Variants in TTLL11 observed in about 807,000 individuals in gnomAD.
TTLL11 encodes the protein tubulin tyrosine ligase like 11.
TTLL11 carries 42 observed loss-of-function variants against 51.7 expected under a neutral mutation model. The observed-to-expected ratio is 0.81, with a 90% CI of 0.64 to 1.05. The LOEUF (loss-of-function observed/expected upper bound fraction) is 1.05, where lower values mean the gene tolerates loss of function less well. TTLL11 is among the 50% of genes least tolerant of loss of function. TTLL11 has a pLI of 0.00. For missense variants in TTLL11, 799 were observed against 940.4 expected (o/e 0.85, Z 1.97); for synonymous variants, 381 against 383.5 (o/e 0.99, Z 0.08).
intron 1 of TTLL11, among the ~76,000 whole-genome samples, chr9:122,090,429 G>A (rs1364003962): frequency 5.9e-5 from 9 of 151,934 alleles, no homozygotes; most frequent in African/African-American, 1.7e-4. Context: ...GCTATGATCC[G>A]GCCATACTCA....
chr9:121,864,972 G>T (rs1476985443), intron 7 of TTLL11, among the ~76,000 whole-genome samples: 3 of 151,994 alleles, frequency 2.0e-5, no homozygotes, highest in East Asian at 3.8e-4. Flanking sequence ...TTCTGGAGAG[G>T]ATTCTATAAT....
At chr9:121,848,565 G>T (rs923829565) in intron 8 of TTLL11, among the ~76,000 whole-genome samples, 11 of 152,094 alleles carry the variant, frequency 7.2e-5, no homozygotes, top group Non-Finnish European at 1.3e-4. Context: ...AGGATACAAG[G>T]TTATTATAGG....
chr9:121,913,525 G>A (rs1840218865), intron 6 of TTLL11, among the ~76,000 whole-genome samples: 1 of 152,036 alleles, frequency 6.6e-6, no homozygotes, highest in Admixed American at 6.6e-5. Context: ...AAAGCTTCAG[G>A]GAATGCTGTT....
chr9:121,930,640 G>T (rs551917650), intron 6 of TTLL11, among the ~76,000 whole-genome samples: 1 of 152,292 alleles, frequency 6.6e-6, no homozygotes, highest in East Asian at 1.9e-4. Context: ...CAGCGTCCTG[G>T]GCCAAGGATG....
At chr9:121,900,560 C>T (rs1017558082) in intron 6 of TTLL11, among the ~76,000 whole-genome samples, 2 of 152,164 alleles carry the variant, frequency 1.3e-5, no homozygotes, top group Non-Finnish European at 2.9e-5. Context: ...TCAGCCTTAA[C>T]GTCTTTGAAT....
Position 122,093,139 on chromosome 9 carries a change from C to G in TTLL11, c.10G>C (p.Gly4Arg), listed in dbSNP as rs956583914. MRR[G>R]SSESELAARW... is the part of the protein sequence containing the mutation. ...GCCGCCAGCTCGCTCTCGGAGCTGC[C>G]CCGCCGCATGGTGCTCAGGGCCGGG... The change falls in exon 1 of 9, where the codon GGC becomes CGC. Residue 4 changes from glycine to arginine, a missense_variant. This residue lies in a region of TTLL11 where 166 missense variants were observed against 161.6 expected (regional missense o/e 1.03). Coordinates refer to ENST00000321582, the MANE Select transcript of TTLL11 (RefSeq NM_001139442.2). 15 of 1,493,120 alleles carry G rather than the reference C, an allele frequency of 1.0e-5. No homozygotes were observed. The highest frequency in any genetic ancestry group is 1.3e-5 in the Non-Finnish European group (15 of 1,128,426). 92.5% of individuals were successfully genotyped at this position (1,493,120 alleles called of 1,614,324 possible). A position where few individuals can be genotyped will look rare whatever the true frequency, so the allele number is the denominator to read the frequency against.
intron 3 of TTLL11, among the ~76,000 whole-genome samples, chr9:121,996,126 C>T (rs766415639): frequency 2.6e-5 from 4 of 152,168 alleles, no homozygotes; most frequent in Non-Finnish European, 5.9e-5. Context: ...CCCCTGCATG[C>T]ACTCCTCGAG....
chr9:122,012,055 C>A (rs539429766), intron 3 of TTLL11, among the ~76,000 whole-genome samples: 2 of 152,298 alleles, frequency 1.3e-5, no homozygotes, highest in Non-Finnish European at 2.9e-5. Context: ...CTTTGCCTTT[C>A]ATTAGAACCC....
intron 6 of TTLL11, among the ~76,000 whole-genome samples, chr9:121,956,673 A>G (rs373946128): frequency 6.6e-6 from 1 of 151,112 alleles, no homozygotes; most frequent in East Asian, 1.9e-4. Context: ...CCCGGGACAG[A>G]CACAAGGCCG....
At chr9:121,860,161 T>C (rs763344883) in intron 8 of TTLL11, among the ~76,000 whole-genome samples, 176 bp downstream of exon 8, 8 of 152,186 alleles carry the variant, frequency 5.3e-5, no homozygotes, top group Non-Finnish European at 1.2e-4. Flanking sequence ...GGTATGAGAA[T>C]TCGGTAGCAG....
At chr9:122,020,249 G>C (rs1273150691) in intron 3 of TTLL11, among the ~76,000 whole-genome samples, 1 of 152,168 alleles carries the variant, frequency 6.6e-6, no homozygotes, top group African/African-American at 2.4e-5. Context: ...TGGCTGGTCT[G>C]CCAGGTAAAC....
At chr9:122,016,025 A>G (rs1020409616) in intron 3 of TTLL11, among the ~76,000 whole-genome samples, 6 of 152,192 alleles carry the variant, frequency 3.9e-5, no homozygotes, top group African/African-American at 7.2e-5. Context: ...TGTAATTAGC[A>G]TAAGTACCAT....
chr9:121,886,927 A>T (rs1300665774), intron 6 of TTLL11, among the ~76,000 whole-genome samples: 1 of 152,212 alleles, frequency 6.6e-6, no homozygotes, highest in African/African-American at 2.4e-5. Context: ...AGCCAGAAGG[A>T]GGAGCCACAG....
In TTLL11 at chr9:121,989,234, T is replaced by A. The variant is rs1158467416; in HGVS notation, c.1230A>T (p.Ser410=). Residue 410 remains serine, a synonymous_variant, in exon 4 of 9, where the codon TCA becomes TCT. Transcript: ENST00000321582. This position sits in a 1 kb window ranked among gnomAD's most constrained non-coding sequence, Gnocchi z 4.2. ...GGCCCGGCCTCCCCGTGGGGATGTC[T>A]GACTGGTAGAAGACTTTGAGCTCTG... is the stretch of plus-strand genomic sequence containing the variant. The part of the protein sequence containing the change: ...LTPELKVFYQ[S]DIPTGRPGPT... 6.2e-7 allele frequency: 1 copy of A among 1,614,130 alleles called. No homozygotes were observed. The highest frequency in any genetic ancestry group is 1.3e-5 in the African/African-American group (1 of 75,058).
At chr9:122,085,233 C>A (rs1215940933) in intron 1 of TTLL11, among the ~76,000 whole-genome samples, 1 of 152,178 alleles carries the variant, frequency 6.6e-6, no homozygotes, top group Non-Finnish European at 1.5e-5. Flanking sequence ...GCACTCCAAC[C>A]TGGGCAACAG....
intron 6 of TTLL11, among the ~76,000 whole-genome samples, chr9:121,955,907 C>T (rs531849870): frequency 6.6e-6 from 1 of 152,264 alleles, no homozygotes; most frequent in African/African-American, 2.4e-5. Flanking sequence ...TGGTTCAGAA[C>T]CACAGTGAAA....
intron 2 of TTLL11, among the ~76,000 whole-genome samples, chr9:122,035,203 C>T (rs1844669336): frequency 6.6e-6 from 1 of 152,224 alleles, no homozygotes; most frequent in South Asian, 2.1e-4. Flanking sequence ...CTGTGACTTT[C>T]ACCCAGTGTC....
intron 8 of TTLL11, among the ~76,000 whole-genome samples, chr9:121,855,098 C>A (rs1286744591): frequency 6.6e-6 from 1 of 152,126 alleles, no homozygotes; most frequent in East Asian, 1.9e-4. Context: ...GTGGGGAGAG[C>A]CACATATTAG....
chr9:121,887,847 T>G (rs527454597), intron 6 of TTLL11, among the ~76,000 whole-genome samples: 47 of 152,224 alleles, frequency 3.1e-4, no homozygotes, highest in African/African-American at 1.1e-3. Flanking sequence ...AGATCAAGTC[T>G]GGAATACATC....
Sources: allele counts gnomAD v4.1 joint callset (sites outside exome capture counted in the v4.1 genomes callset), GRCh38; gene constraint gnomAD v4.1.1; regional missense constraint gnomAD v4.1.1; non-coding constraint Gnocchi (gnomAD v3.1); transcripts MANE v1.5; gene names NCBI Gene and HGNC (gene_info 2026-07-23, HGNC 2026-07-21).